PEX6: variants seen among roughly 807,000 people sequenced by gnomAD.
PEX6 encodes peroxisome biogenesis factor 6.
PEX6 carries 55 observed loss-of-function variants against 85.6 expected under a neutral mutation model. The observed-to-expected ratio is 0.64, with a 90% CI of 0.52 to 0.80. PEX6 has a LOEUF of 0.80. Among genes scored for constraint, PEX6 ranks in the 30% least tolerant of loss-of-function variants. The pLI, the probability that PEX6 is intolerant of heterozygous loss-of-function variation, is 0.00. For missense variants in PEX6, 1,099 were observed against 1,260.3 expected (o/e 0.87, Z 1.94); for synonymous variants, 519 against 549.1 (o/e 0.95, Z 0.77).
rs199936472 is a variant in PEX6 at position 42,970,011 on chromosome 6, C to T, written c.1131-24G>A. On this transcript the variant is annotated intron_variant, in intron 3 of 16. Coordinates refer to ENST00000304611, the MANE Select transcript of PEX6 (RefSeq NM_000287.4). ...ACCTGCAGGAAAAAGGCCCAATGAA[C>T]CCCAGATCCAGAGTCCAAAAACCCC... 3.1e-3 allele frequency: 4,908 copies of T among 1,596,430 alleles called. 9 individuals are homozygous for T. Among genetic ancestry groups the T allele is most frequent in the Non-Finnish European group, 4.0e-3 (4,631 of 1,163,958 alleles).
chr6:42,970,455 A>C (rs529082808), intron 3 of PEX6, among the ~76,000 whole-genome samples: 11 of 152,360 alleles, frequency 7.2e-5, no homozygotes, highest in African/African-American at 2.4e-4. Context: ...CTGATGAATA[A>C]TGGTTCTGTA....
Position 42,974,081 on chromosome 6 carries a change from A to C in PEX6, c.1052T>G (p.Val351Gly). The C allele has an allele frequency of 6.2e-7, 1 of 1,613,496 alleles. No individual in the cohort carries two copies. Among genetic ancestry groups the C allele is most frequent in the Non-Finnish European group, 8.5e-7 (1 of 1,179,478 alleles). The change falls in exon 3 of 17, where the codon GTC becomes GGC. Residue 351 changes from valine to glycine, a missense_variant. By Grantham distance (109) the Val-to-Gly change is moderately radical. This residue lies in a region of PEX6 where 579 missense variants were observed against 611.6 expected (regional missense o/e 0.95). Coordinates refer to ENST00000304611, the MANE Select transcript of PEX6 (RefSeq NM_000287.4). ...LYRHFQIPRV[V>G]QEGDVLCVPT... The stretch of plus-strand genomic sequence containing the variant: ...CACACATAGAACATCCCCTTCCTGG[A>C]CTACCCTGCAACACAGCAGTGGCCC...
At chr6:42,966,160 G>T in intron 11 of PEX6, 55 bp from the exon 12 acceptor site, 1 of 1,609,848 alleles carries the variant, frequency 6.2e-7, no homozygotes. Context: ...ACACACAATT[G>T]ACCTCTTGGG....
chr6:42,973,474 A>G (rs1042292327), intron 3 of PEX6, among the ~76,000 whole-genome samples: 1 of 152,210 alleles, frequency 6.6e-6, no homozygotes, highest in Non-Finnish European at 1.5e-5. Context: ...ATAAGTATGC[A>G]CTACCATGCC....
At chr6:42,966,964 GTTGT>G in intron 8 of PEX6, 106 bp from the exon 9 acceptor site, 31 of 584,462 alleles carry the variant, frequency 5.3e-5, no homozygotes, top group Middle Eastern at 4.6e-4. Context: ...CCTTAGGTTT[GTTGT>G]TTTTTTTTTT....
intron 11 of PEX6, 46 bp from the exon 12 acceptor site, chr6:42,966,151 C>T (rs1769793657): frequency 1.2e-6 from 2 of 1,610,604 alleles, no homozygotes; most frequent in South Asian, 2.2e-5. Context: ...GATGCACATA[C>T]ACACAATTGA....
Position 42,963,876 on chromosome 6 carries a change from C to T in PEX6, c.*459G>A. ...TAAACAATATAGTCTTTTTCAGTTC[C>T]TGCATGCATTGTGTTTATTTATGTC... On this transcript the variant is annotated 3_prime_UTR_variant, in exon 17 of 17. Transcript: ENST00000304611. 1 of 650,748 alleles carries T rather than the reference C, an allele frequency of 1.5e-6. No homozygotes were observed. Among genetic ancestry groups the T allele is most frequent in the Non-Finnish European group, 2.6e-6 (1 of 378,390 alleles). The allele number at this position is 650,748 out of a possible 1,614,324, so 40.3% of individuals were successfully genotyped here. A position where few individuals can be genotyped will look rare whatever the true frequency, so the allele number is the denominator to read the frequency against.
chr6:42,970,053 G>C, intron 3 of PEX6, 66 bp from the exon 4 acceptor site: 3 of 1,282,914 alleles, frequency 2.3e-6, no homozygotes, highest in Non-Finnish European at 3.4e-6. Flanking sequence ...CAAGGACAAG[G>C]TTTCTCAATC....
At position 42,966,508 on chromosome 6, in the gene PEX6, A is replaced by G. The variant is rs1266707501; in HGVS notation, c.2094+17T>C. The G allele has an allele frequency of 6.2e-7, 1 of 1,613,996 alleles. No individual in the cohort carries two copies. The highest frequency in any genetic ancestry group is 8.5e-7 in the Non-Finnish European group (1 of 1,180,008). On this transcript the variant is annotated intron_variant, in intron 10 of 16. Transcript: ENST00000304611. ...TTGGAGGGGCTCCTGTCCCACCTCCAAGGACTTGGTCTCCACCTTGGGGGC... is the reference window on the plus strand; with the variant it reads ...TTGGAGGGGCTCCTGTCCCACCTCCGAGGACTTGGTCTCCACCTTGGGGGC...
At position 42,964,594 on chromosome 6, in the gene PEX6, G is replaced by T; in HGVS notation, c.2807-123C>A. 2 of 1,358,444 alleles carry T rather than the reference G, an allele frequency of 1.5e-6. No homozygotes were observed. Among genetic ancestry groups the T allele is most frequent in the Non-Finnish European group, 2.1e-6 (2 of 964,270 alleles). 84.1% of individuals were successfully genotyped at this position (1,358,444 alleles called of 1,614,324 possible). A position where few individuals can be genotyped will look rare whatever the true frequency, so the allele number is the denominator to read the frequency against. On this transcript the variant is annotated intron_variant, in intron 16 of 16. Transcript: ENST00000304611. The surrounding 1 kb of genome is among the most constrained non-coding windows in gnomAD (Gnocchi z 4.6). ...TCTTCCCTCTGGAATCCAGGACTAG[G>T]TTTGTCTCCCACTAGTTTTTTTTTT...
chr6:42,973,927 T>A lies in PEX6; in HGVS notation c.1130+76A>T, dbSNP rs76567509. 394 of 981,292 alleles carry A rather than the reference T, an allele frequency of 4.0e-4. 1 individual carries two copies. In the East Asian group the frequency reaches 9.1e-3, roughly 23 times the overall value. The allele number at this position is 981,292 out of a possible 1,614,324, so 60.8% of individuals were successfully genotyped here. ...CCTCTTGGGCACAAATTACACATGA[T>A]TTGCAGGGAGGGGATTGTAGAACTC... On this transcript the variant is annotated intron_variant, in intron 3 of 16. Coordinates refer to ENST00000304611, the MANE Select transcript of PEX6 (RefSeq NM_000287.4).
In PEX6 at chr6:42,966,026, C is replaced by T. The variant is rs926733722; in HGVS notation, c.2362+18G>A. On this transcript the variant is annotated intron_variant, in intron 12 of 16. Transcript: ENST00000304611. ...GTTTGGGAAGCATGGGACGCCCTGC[C>T]CCTCCCTGCTCACTCACCTTCCCGC... The T allele has an allele frequency of 4.3e-6, 7 of 1,612,892 alleles. No homozygotes were observed. In the African/African-American group the frequency reaches 6.7e-5, roughly 15 times the overall value.
intron 8 of PEX6, 118 bp downstream of exon 8, chr6:42,967,250 T>G: frequency 9.9e-7 from 1 of 1,011,666 alleles, no homozygotes; most frequent in Non-Finnish European, 1.5e-6. Flanking sequence ...ATTACAGGCG[T>G]GAGCCACGGC....
chr6:42,975,760 A>C (rs1770269277), intron 1 of PEX6, among the ~76,000 whole-genome samples: 1 of 151,308 alleles, frequency 6.6e-6, no homozygotes, highest in Non-Finnish European at 1.5e-5. Context: ...GCCCATGATG[A>C]AGTGCAGTGG....
intron 3 of PEX6, 130 bp downstream of exon 3, chr6:42,973,873 C>G (rs796731116): frequency 2.8e-6 from 2 of 710,076 alleles, no homozygotes; most frequent in African/African-American, 1.7e-5. Context: ...CACACACACA[C>G]GCACACACAA....
Position 42,965,402 on chromosome 6 carries a change from G to C in PEX6, c.2472-34C>G, listed in dbSNP as rs774457810. ...AAGGGAGCAAGGGCAAGAGTCCTTG[G>C]TGTCCCCCTTAGACTCTGCCCCTGC... On this transcript the variant is annotated intron_variant, in intron 13 of 16. Transcript: ENST00000304611. This position sits in a 1 kb window ranked among gnomAD's most constrained non-coding sequence, Gnocchi z 5.0. 1 of 1,482,008 alleles carries C rather than the reference G, an allele frequency of 6.7e-7. No homozygotes were observed. Among genetic ancestry groups the C allele is most frequent in the East Asian group, 2.3e-5 (1 of 44,204 alleles). 91.8% of individuals were successfully genotyped at this position (1,482,008 alleles called of 1,614,324 possible). A position where few individuals can be genotyped will look rare whatever the true frequency, so the allele number is the denominator to read the frequency against.
chr6:42,974,454 T>G (rs1184440433), intron 2 of PEX6, among the ~76,000 whole-genome samples: 3 of 120,714 alleles, frequency 2.5e-5, no homozygotes, highest in East Asian at 4.2e-4. Context: ...TTTTTTTGTT[T>G]TTTTTTTTTT....
At position 42,968,336 on chromosome 6, in the gene PEX6, T is replaced by C. The variant is rs370743684; in HGVS notation, c.1642A>G (p.Met548Val). 6.2e-6 allele frequency: 10 copies of C among 1,614,018 alleles called. No individual in the cohort carries two copies. Among genetic ancestry groups the C allele is most frequent in the African/African-American group, 1.3e-5 (1 of 74,930 alleles). ...RDGLGEDARV[M>V]AVLRHLLLNE... Reference sequence around the variant, plus strand: ...AGGAGGAGGTGACGCAGCACAGCCATCACACGGGCATCCTCACCCAGCCCA... The same window carrying C: ...AGGAGGAGGTGACGCAGCACAGCCACCACACGGGCATCCTCACCCAGCCCA... Residue 548 changes from methionine (M) to valine (V), a missense_variant, in exon 7 of 17, where the codon ATG becomes GTG. Around this residue, in one of 3 missense-constraint regions of PEX6, gnomAD observed 514 missense variants for 627.0 expected, o/e 0.82. Coordinates refer to ENST00000304611, the MANE Select transcript of PEX6 (RefSeq NM_000287.4).
In PEX6 at chr6:42,964,015, C is replaced by G. The variant is rs988510807; in HGVS notation, c.*320G>C. On this transcript the variant is annotated 3_prime_UTR_variant, in exon 17 of 17. Transcript: ENST00000304611. This position sits in a 1 kb window ranked among gnomAD's most constrained non-coding sequence, Gnocchi z 4.6. Reference sequence around the variant, plus strand: ...TTCATGCCACAACACCAGTAGGGGGCGGGACATGCTTTATTTTCAGCCACA... The same window carrying G: ...TTCATGCCACAACACCAGTAGGGGGGGGGACATGCTTTATTTTCAGCCACA... 1 of 475,474 alleles carries G rather than the reference C, an allele frequency of 2.1e-6. No individual in the cohort carries two copies. Among genetic ancestry groups the G allele is most frequent in the Non-Finnish European group, 3.8e-6 (1 of 265,630 alleles). The allele number at this position is 475,474 out of a possible 1,614,324, so 29.5% of individuals were successfully genotyped here. A position where few individuals can be genotyped will look rare whatever the true frequency, so the allele number is the denominator to read the frequency against.
Sources: allele counts gnomAD v4.1 joint callset (sites outside exome capture counted in the v4.1 genomes callset), GRCh38; gene constraint gnomAD v4.1.1; regional missense constraint gnomAD v4.1.1; non-coding constraint Gnocchi (gnomAD v3.1); transcripts MANE v1.5; gene names NCBI Gene and HGNC (gene_info 2026-07-23, HGNC 2026-07-21).